Variants in BMAL2 observed in about 807,000 individuals in gnomAD.
BMAL2 encodes basic helix-loop-helix ARNT-like protein 2.
At chr12:27,386,650 G>A in the BMAL2 span, among the ~76,000 whole-genome samples, 1 of 152,082 alleles carries the variant, frequency 6.6e-6, no homozygotes, top group South Asian at 2.1e-4. Flanking sequence ...TATTTTTTGA[G>A]ACAAGGTCTG....
chr12:27,376,368 G>C, the BMAL2 span: 1 of 1,613,974 alleles, frequency 6.2e-7, no homozygotes, highest in Non-Finnish European at 8.5e-7. Context: ...TGAACACCAA[G>C]TTAAAATGAA....
the BMAL2 span, among the ~76,000 whole-genome samples, chr12:27,359,362 T>C: frequency 1.3e-5 from 2 of 152,128 alleles, no homozygotes; most frequent in South Asian, 4.1e-4. Flanking sequence ...GGTAATAAAG[T>C]GAATGTAATT....
the BMAL2 span, among the ~76,000 whole-genome samples, chr12:27,399,753 G>A: frequency 6.6e-6 from 1 of 152,028 alleles, no homozygotes; most frequent in Admixed American, 6.6e-5. Flanking sequence ...ATTTTTATCA[G>A]GCTTTCCCCC....
the BMAL2 span, among the ~76,000 whole-genome samples, chr12:27,353,941 A>G: frequency 8.8e-4 from 134 of 152,286 alleles, no homozygotes; most frequent in African/African-American, 3.2e-3. Context: ...GGTTGTGGAG[A>G]AAAGGGAACA....
the BMAL2 span, among the ~76,000 whole-genome samples, chr12:27,417,932 G>C: frequency 6.6e-6 from 1 of 152,238 alleles, no homozygotes; most frequent in East Asian, 1.9e-4. Context: ...GGTGGAGGTT[G>C]CAATGAACCG....
At chr12:27,350,984 C>T in the BMAL2 span, among the ~76,000 whole-genome samples, 1 of 86,436 alleles carries the variant, frequency 1.2e-5, no homozygotes, top group East Asian at 6.1e-4. Context: ...CCAGACCCCA[C>T]CCACCCCCCC....
the BMAL2 span, among the ~76,000 whole-genome samples, chr12:27,346,254 TTTTGTTTG>T: frequency 2.0e-5 from 3 of 152,070 alleles, no homozygotes; most frequent in East Asian, 3.8e-4. Flanking sequence ...TAAACCTTTG[TTTTGTTTG>T]TTTGTTTGTT....
At chr12:27,410,055 A>C in the BMAL2 span, among the ~76,000 whole-genome samples, 6 of 151,992 alleles carry the variant, frequency 3.9e-5, no homozygotes, top group African/African-American at 1.4e-4. Context: ...ATACCATCTC[A>C]CACCAGTTAG....
At chr12:27,387,562 TA>T in the BMAL2 span, among the ~76,000 whole-genome samples, 1 of 152,174 alleles carries the variant, frequency 6.6e-6, no homozygotes, top group African/African-American at 2.4e-5. Flanking sequence ...TCTTCCTATG[TA>T]AAAAGTCAAA....
At chr12:27,382,537 G>A in the BMAL2 span, among the ~76,000 whole-genome samples, 12 of 152,292 alleles carry the variant, frequency 7.9e-5, no homozygotes, top group South Asian at 2.1e-4. Context: ...GGAACAGGGC[G>A]TAGATTTTGC....
chr12:27,420,804 G>A, the BMAL2 span: 1 of 294,352 alleles, frequency 3.4e-6, no homozygotes, highest in Non-Finnish European at 6.2e-6. Context: ...TTCTAACCAA[G>A]AATACTACTT....
At chr12:27,364,991 A>G in the BMAL2 span, among the ~76,000 whole-genome samples, 1 of 151,998 alleles carries the variant, frequency 6.6e-6, no homozygotes, top group African/African-American at 2.4e-5. Flanking sequence ...TATACAGCCA[A>G]CTTGCTATAT....
the BMAL2 span, chr12:27,368,112 G>C: frequency 1.1e-6 from 1 of 878,904 alleles, no homozygotes; most frequent in South Asian, 1.9e-5. Context: ...CAAAGTGCTG[G>C]GATTACAGGC....
At chr12:27,363,377 C>T in the BMAL2 span, among the ~76,000 whole-genome samples, 82 of 152,244 alleles carry the variant, frequency 5.4e-4, no homozygotes, top group Non-Finnish European at 9.0e-4. Context: ...TATGTGTTCA[C>T]CTTTATTAGG....
chr12:27,368,510 G>A, the BMAL2 span: 1 of 1,431,918 alleles, frequency 7.0e-7, no homozygotes, highest in Non-Finnish European at 9.6e-7. Flanking sequence ...CAAGTTCATG[G>A]TAACATTTGG....
At chr12:27,383,933 GCCA>G in the BMAL2 span, among the ~76,000 whole-genome samples, 1 of 151,992 alleles carries the variant, frequency 6.6e-6, no homozygotes, top group East Asian at 1.9e-4. Flanking sequence ...CACTTACTTT[GCCA>G]CCACCACCAC....
the BMAL2 span, among the ~76,000 whole-genome samples, chr12:27,382,912 A>G: frequency 6.6e-6 from 1 of 152,224 alleles, no homozygotes; most frequent in Admixed American, 6.5e-5. Context: ...AAAAATGATC[A>G]TGGGTTTGGC....
At chr12:27,341,451 C>T in the BMAL2 span, among the ~76,000 whole-genome samples, 3 of 152,108 alleles carry the variant, frequency 2.0e-5, no homozygotes, top group Admixed American at 6.5e-5. Flanking sequence ...AAACTTGCTC[C>T]CCACGGATAA....
the BMAL2 span, among the ~76,000 whole-genome samples, chr12:27,365,166 T>C: frequency 6.6e-6 from 1 of 152,166 alleles, no homozygotes; most frequent in Non-Finnish European, 1.5e-5. Context: ...GAATTAAGGG[T>C]GTTCTTGTTT....
Sources: gnomAD v4.1 joint callset for allele counts (sites outside exome capture counted in the v4.1 genomes callset) on GRCh38, gnomAD v4.1.1 for gene constraint, MANE v1.5 for transcripts, NCBI Gene and HGNC (gene_info 2026-07-23, HGNC 2026-07-21) for gene names.